Variants in WWOX observed in about 807,000 individuals in gnomAD.
WWOX encodes the protein WW domain containing oxidoreductase.
In WWOX, 69 loss-of-function variants were observed where a neutral mutation model predicts 46.2. The ratio of observed to expected loss-of-function variants is 1.49; its 90% CI spans 1.23 to 1.82. WWOX has a LOEUF of 1.82. Among genes scored for constraint, WWOX ranks in the 40% most tolerant of loss-of-function variants. The pLI, the probability that WWOX is intolerant of heterozygous loss-of-function variation, is 0.00. For synonymous variants in WWOX, 359 were observed against 202.6 expected (o/e 1.77, Z -6.56); for missense variants, 919 against 542.6 (o/e 1.69, Z -6.89).
intron 5 of WWOX, among the ~76,000 whole-genome samples, chr16:78,232,423 C>G (rs1214731193): frequency 6.6e-6 from 1 of 152,144 alleles, no homozygotes; most frequent in Non-Finnish European, 1.5e-5. Context: ...CGTTCCCTCC[C>G]CAGTAGTTGT....
chr16:78,718,255 G>A (rs566567601), intron 8 of WWOX, among the ~76,000 whole-genome samples: 8 of 151,904 alleles, frequency 5.3e-5, no homozygotes, highest in African/African-American at 1.4e-4. Context: ...TTGTACCACA[G>A]AGACCATATG....
chr16:78,530,490 C>T (rs577298705), intron 8 of WWOX, among the ~76,000 whole-genome samples: 46 of 152,276 alleles, frequency 3.0e-4, no homozygotes, highest in African/African-American at 1.0e-3. Flanking sequence ...GAAGTCCAGC[C>T]GCTTCTCTCC....
At chr16:78,222,247 G>C (rs2036911574) in intron 5 of WWOX, among the ~76,000 whole-genome samples, 1 of 151,780 alleles carries the variant, frequency 6.6e-6, no homozygotes, top group Non-Finnish European at 1.5e-5. Flanking sequence ...GGGAGGCCAA[G>C]TGTTTTCCAG....
chr16:78,114,541 A>C (rs2032671270), intron 3 of WWOX, among the ~76,000 whole-genome samples: 3 of 152,220 alleles, frequency 2.0e-5, no homozygotes, highest in African/African-American at 7.2e-5. Flanking sequence ...TTTACAACTA[A>C]GACTTTATCA....
At chr16:78,216,620 T>A (rs2151793668) in intron 5 of WWOX, among the ~76,000 whole-genome samples, 1 of 152,252 alleles carries the variant, frequency 6.6e-6, no homozygotes, top group East Asian at 1.9e-4. Context: ...TCTCTGTCTT[T>A]CTTTTGTGGT....
At chr16:78,837,432 C>G (rs892155221) in intron 8 of WWOX, among the ~76,000 whole-genome samples, 1 of 152,164 alleles carries the variant, frequency 6.6e-6, no homozygotes, top group African/African-American at 2.4e-5. Flanking sequence ...GTGGTTGAAC[C>G]AAAAGCAATT....
chr16:79,031,632 G>T (rs2047756208), intron 8 of WWOX, among the ~76,000 whole-genome samples: 1 of 151,210 alleles, frequency 6.6e-6, no homozygotes, highest in African/African-American at 2.4e-5. Context: ...TAAAATTGAG[G>T]TAAATTTACT....
intron 8 of WWOX, among the ~76,000 whole-genome samples, chr16:78,819,718 G>A (rs541804616): frequency 2.3e-4 from 35 of 152,172 alleles, no homozygotes; most frequent in Non-Finnish European, 4.3e-4. Flanking sequence ...GGCCTAAGCC[G>A]CAATTCTGGG....
intron 8 of WWOX, among the ~76,000 whole-genome samples, chr16:78,857,793 T>G (rs4888867): frequency 0.74 from 112,178 of 152,006 alleles, 41,743 homozygotes; most frequent in Middle Eastern, 0.84. Flanking sequence ...GAAAAGAACA[T>G]CTGCTGTTTA....
At chr16:79,190,571 A>C (rs2051115389) in intron 8 of WWOX, among the ~76,000 whole-genome samples, 1 of 152,158 alleles carries the variant, frequency 6.6e-6, no homozygotes, top group Non-Finnish European at 1.5e-5. Context: ...CTGGCACGAC[A>C]GTTCAGTCAA....
intron 8 of WWOX, among the ~76,000 whole-genome samples, chr16:78,908,489 G>C (rs1434724468): frequency 2.0e-5 from 3 of 150,528 alleles, no homozygotes; most frequent in Admixed American, 6.6e-5. Flanking sequence ...GCAGTGAGTC[G>C]AGATCACACC....
chr16:78,813,091 T>C (rs1191498638), intron 8 of WWOX, among the ~76,000 whole-genome samples: 3 of 152,052 alleles, frequency 2.0e-5, no homozygotes, highest in Admixed American at 6.5e-5. Flanking sequence ...TTTTCTTTTT[T>C]TTTTTTTCCA....
chr16:78,782,434 C>T (rs1483120330), intron 8 of WWOX, among the ~76,000 whole-genome samples: 1 of 152,198 alleles, frequency 6.6e-6, no homozygotes, highest in African/African-American at 2.4e-5. Flanking sequence ...TGGGGCAACG[C>T]TACCAACATT....
chr16:78,491,153 C>T (rs1344549951), intron 8 of WWOX, among the ~76,000 whole-genome samples: 1 of 152,180 alleles, frequency 6.6e-6, no homozygotes, highest in Non-Finnish European at 1.5e-5. Flanking sequence ...GGCTCTCCAT[C>T]CTTCAAAATC....
At chr16:78,552,178 T>G (rs990469703) in intron 8 of WWOX, 3 of 152,292 alleles carry the variant, frequency 2.0e-5, no homozygotes, top group Middle Eastern at 3.4e-3. Context: ...GACCTCCAAT[T>G]AAAGCTGGAC....
At chr16:78,735,738 T>G (rs1309442199) in intron 8 of WWOX, among the ~76,000 whole-genome samples, 1 of 152,190 alleles carries the variant, frequency 6.6e-6, no homozygotes, top group African/African-American at 2.4e-5. Context: ...ATGGTACCAA[T>G]GGACTCTAAC....
chr16:78,816,502 CTTTTTTTTTT>C (rs55814418), intron 8 of WWOX, among the ~76,000 whole-genome samples: 39 of 42,086 alleles, frequency 9.3e-4, no homozygotes, highest in African/African-American at 2.3e-3. Context: ...AGGAGCCACT[CTTTTTTTTTT>C]TTTTTTTTTT....
At chr16:78,864,969 G>T (rs1025701148) in intron 8 of WWOX, among the ~76,000 whole-genome samples, 10 of 151,438 alleles carry the variant, frequency 6.6e-5, no homozygotes, top group African/African-American at 2.4e-4. Flanking sequence ...TACCATGTTG[G>T]CCAGGCTGGT....
rs190259270 is a variant in WWOX at position 78,577,387 on chromosome 16, C to T, written c.1056+144635C>T. On this transcript the variant is annotated intron_variant, in intron 8 of 8. Coordinates refer to ENST00000566780, the MANE Select transcript of WWOX (RefSeq NM_016373.4). ...GAGCTTTTAAAACTGAGCATTTGTC[C>T]CCTAAATTCCAGCACTGCGGCCATG... Among the ~76,000 whole-genome samples, 338 of 152,156 alleles carry T rather than the reference C, an allele frequency of 2.2e-3. 5 individuals are homozygous for T. Among genetic ancestry groups the T allele is most frequent in the Non-Finnish European group, 4.7e-4 (32 of 68,008 alleles).
Sources: gnomAD v4.1 joint callset for allele counts (sites outside exome capture counted in the v4.1 genomes callset) on GRCh38, gnomAD v4.1.1 for gene constraint, MANE v1.5 for transcripts, NCBI Gene and HGNC (gene_info 2026-07-23, HGNC 2026-07-21) for gene names.